Variants in VPS13D observed in about 807,000 individuals in gnomAD.
VPS13D encodes intermembrane lipid transfer protein VPS13D.
A neutral mutation model predicts 461.9 loss-of-function variants in VPS13D; 187 were observed. The observed-to-expected ratio is 0.40, with a 90% CI of 0.36 to 0.46. The LOEUF is 0.46. Among genes scored for constraint, VPS13D ranks in the 20% least tolerant of loss-of-function variants. VPS13D has a pLI of 0.60. For synonymous variants in VPS13D, 1,951 were observed against 1,986.3 expected (o/e 0.98, Z 0.47); for missense variants, 4,711 against 5,364.9 (o/e 0.88, Z 3.81).
At chr1:12,231,254 A>G (rs916262845) in intron 1 of VPS13D, among the ~76,000 whole-genome samples, 7 of 152,200 alleles carry the variant, frequency 4.6e-5, no homozygotes, top group Non-Finnish European at 1.0e-4. Context: ...ACCGGAGTGT[A>G]AACACTTTGG....
In VPS13D at chr1:12,400,374, C is replaced by A. The variant is rs202218580; in HGVS notation, c.11784+44C>A. 1.0e-5 allele frequency: 16 copies of A among 1,603,954 alleles called. No homozygotes were observed. The South Asian group carries it at 1.0e-4, about 10-fold the overall frequency. ...CTGGTGGGTTGATGCCATGCTGGAACGTTGATTTGTTCTCTCACAGCCAAG... is the reference window on the plus strand; with the variant it reads ...CTGGTGGGTTGATGCCATGCTGGAAAGTTGATTTGTTCTCTCACAGCCAAG... On this transcript the variant is annotated intron_variant, in intron 61 of 69. Transcript: ENST00000620676.
At chr1:12,405,227 G>C (rs577898929) in intron 63 of VPS13D, among the ~76,000 whole-genome samples, 1 of 152,240 alleles carries the variant, frequency 6.6e-6, no homozygotes, top group African/African-American at 2.4e-5. Context: ...TGTGAACCTG[G>C]TGTTGCCAGA....
intron 67 of VPS13D, among the ~76,000 whole-genome samples, chr1:12,460,860 C>T (rs1645403087): frequency 6.6e-6 from 1 of 152,082 alleles, no homozygotes; most frequent in Non-Finnish European, 1.5e-5. Flanking sequence ...TGTTGTTGTT[C>T]ACCATGTGGG....
rs1645391726 is a variant in VPS13D, at chr1:12,460,234, C to T, written c.12500C>T (p.Ser4167Leu). The change falls in exon 67 of 70, where the codon TCG (serine) becomes TTG (leucine). Residue 4167 changes from serine (S) to leucine (L), a missense_variant. Transcript: ENST00000620676. ...IIGGLTSVITSTVEGVKTEGG... is the reference protein window; with the variant it reads ...IIGGLTSVITLTVEGVKTEGG... ...GGTGGACTGACCAGTGTTATAACTTCGACAGTGGAAGGTGTGAAAACAGAA... is the reference window on the plus strand; with the variant it reads ...GGTGGACTGACCAGTGTTATAACTTTGACAGTGGAAGGTGTGAAAACAGAA... 1 of 1,609,322 alleles carries T rather than the reference C, an allele frequency of 6.2e-7. No homozygotes were observed.
rs376672687 is a variant in VPS13D, at chr1:12,403,962, T to C, written c.12019T>C (p.Leu4007=). The stretch of plus-strand genomic sequence containing the variant: ...TGTGTTCACCTCCAACAAGCTCCCA[T>C]TGGATCTTAAGGTGAGCTGCTATTT... The part of the protein sequence containing the change: ...LSVFTSNKLP[L]DLKALKSTLG... The change falls in exon 63 of 70, where the codon TTG becomes CTG. Residue 4007 remains leucine, a synonymous_variant. Transcript: ENST00000620676. 5 of 1,596,624 alleles carry C rather than the reference T, an allele frequency of 3.1e-6. No homozygotes were observed. The highest frequency in any genetic ancestry group is 1.2e-5 in the South Asian group (1 of 86,362).
At position 12,369,461 on chromosome 1, in the gene VPS13D, C is replaced by T; in HGVS notation, c.10573-6C>T. ...GTCCTCTTTGTCCTCTCTGCCATCA[C>T]TCTAGGTCCCGGTTGTCTTTACTCA... On this transcript the variant is annotated splice_region_variant and splice_polypyrimidine_tract_variant and intron_variant, in intron 53 of 69. Coordinates refer to ENST00000620676, the MANE Select transcript of VPS13D (RefSeq NM_015378.4). 6.2e-7 allele frequency: 1 copy of T among 1,614,014 alleles called. No homozygotes were observed. Among genetic ancestry groups the T allele is most frequent in the Non-Finnish European group, 8.5e-7 (1 of 1,179,914 alleles).
At chr1:12,453,442 G>A (rs181705314) in intron 65 of VPS13D, among the ~76,000 whole-genome samples, 57 of 152,162 alleles carry the variant, frequency 3.7e-4, no homozygotes, top group East Asian at 1.3e-3. Context: ...AATTGGCTGC[G>A]GTGCTCCTGG....
At chr1:12,352,965 CAAAAAAAAA>C (rs61588046) in intron 46 of VPS13D, among the ~76,000 whole-genome samples, 1,251 of 17,420 alleles carry the variant, frequency 0.072, 9 homozygotes, top group African/African-American at 0.11. Flanking sequence ...AACTCAGTCT[CAAAAAAAAA>C]AAAAAAAAAA....
Position 12,473,914 on chromosome 1 carries a change from G to T in VPS13D, c.12662+13518G>T, listed in dbSNP as rs1367824495. Among the ~76,000 whole-genome samples, 2 of 152,156 alleles carry T rather than the reference G, an allele frequency of 1.3e-5. No individual in the cohort carries two copies. Among genetic ancestry groups the T allele is most frequent in the Non-Finnish European group, 2.9e-5 (2 of 68,024 alleles). ...ACTCTCCTGGGCTCTGAGCCTTTGT[G>T]TGTGGGAACCGCACTGGAAAAGGTG... On this transcript the variant is annotated intron_variant, in intron 67 of 69. Coordinates refer to ENST00000620676, the MANE Select transcript of VPS13D (RefSeq NM_015378.4). This position sits in a 1 kb window ranked among gnomAD's most constrained non-coding sequence, Gnocchi z 4.2.
At chr1:12,233,222 G>A (rs1640039748) in intron 1 of VPS13D, among the ~76,000 whole-genome samples, 1 of 152,006 alleles carries the variant, frequency 6.6e-6, no homozygotes, top group Admixed American at 6.6e-5. Context: ...GCCAGGCTGG[G>A]TTTGGACTCC....
chr1:12,341,502 G>A (rs1421928940), intron 40 of VPS13D, among the ~76,000 whole-genome samples: 2 of 152,170 alleles, frequency 1.3e-5, no homozygotes, highest in African/African-American at 4.8e-5. Flanking sequence ...TTTCTTTCGT[G>A]ATTCCCACCA....
intron 31 of VPS13D, 113 bp from the exon 32 acceptor site, chr1:12,319,384 C>G: frequency 6.9e-7 from 1 of 1,451,244 alleles, no homozygotes; most frequent in East Asian, 2.3e-5. Flanking sequence ...GGAGAAAAAT[C>G]TTACTGGTTC....
chr1:12,233,099 G>A (rs926733791), intron 1 of VPS13D, among the ~76,000 whole-genome samples: 1 of 151,470 alleles, frequency 6.6e-6, no homozygotes, highest in African/African-American at 2.4e-5. Context: ...TCTGCCTCCC[G>A]GGTTCAAGGG....
At chr1:12,335,586 C>A in intron 38 of VPS13D, 119 bp from the exon 39 acceptor site, 2 of 1,305,452 alleles carry the variant, frequency 1.5e-6, no homozygotes, top group South Asian at 1.6e-5. Flanking sequence ...CGGAATCTAG[C>A]ACAGGCCAGG....
At chr1:12,308,702 T>A in intron 27 of VPS13D, 61 bp downstream of exon 27, 1 of 1,531,100 alleles carries the variant, frequency 6.5e-7, no homozygotes, top group Non-Finnish European at 8.9e-7. Context: ...CAGGGTGGAG[T>A]GCAGTGGCGC....
At chr1:12,397,662 C>G (rs905409855) in intron 60 of VPS13D, among the ~76,000 whole-genome samples, 3 of 152,082 alleles carry the variant, frequency 2.0e-5, no homozygotes, top group Non-Finnish European at 4.4e-5. Context: ...AGAAAGTCTG[C>G]CAATAAATAT....
Position 12,369,681 on chromosome 1 carries a change from C to G in VPS13D, c.10787C>G (p.Ala3596Gly). 6.2e-7 allele frequency: 1 copy of G among 1,614,040 alleles called. No individual in the cohort carries two copies. The highest frequency in any genetic ancestry group is 8.5e-7 in the Non-Finnish European group (1 of 1,179,918). The change falls in exon 54 of 70, where the codon GCT (alanine) becomes GGT (glycine). Residue 3596 changes from alanine to glycine, a missense_variant. This residue lies in a region of VPS13D where 4,411 missense variants were observed against 4,937.8 expected (regional missense o/e 0.89). Coordinates refer to ENST00000620676, the MANE Select transcript of VPS13D (RefSeq NM_015378.4). ...TATTATGAAAATTTCATTTACATTG[C>G]TGCTACATATACATTCTCTGGGTAA... ...QLYYENFIYI[A>G]ATYTFSGLQE...
At chr1:12,436,947 C>T (rs988622102) in intron 65 of VPS13D, among the ~76,000 whole-genome samples, 1 of 152,178 alleles carries the variant, frequency 6.6e-6, no homozygotes. Flanking sequence ...GGATTACACG[C>T]GTGAGCCACC....
Position 12,261,279 on chromosome 1 carries a change from GA to G in VPS13D, c.1414+132del, listed in dbSNP as rs1296848938. On this transcript the variant is annotated intron_variant, in intron 12 of 69. Transcript: ENST00000620676. ...CAGTTTATGTTCATAGAGGCTGAGA[GA>G]AGAAGTATTTTGGGAGATACTCCAT... The G allele has an allele frequency of 8.2e-6, 9 of 1,101,852 alleles. No homozygotes were observed. In the African/African-American group the frequency reaches 1.3e-4, roughly 15 times the overall value. 68.3% of individuals were successfully genotyped at this position (1,101,852 alleles called of 1,614,324 possible). A position where few individuals can be genotyped will look rare whatever the true frequency, so the allele number is the denominator to read the frequency against.
Sources: allele counts gnomAD v4.1 joint callset (sites outside exome capture counted in the v4.1 genomes callset), GRCh38; gene constraint gnomAD v4.1.1; regional missense constraint gnomAD v4.1.1; non-coding constraint Gnocchi (gnomAD v3.1); transcripts MANE v1.5; gene names NCBI Gene and HGNC (gene_info 2026-07-23, HGNC 2026-07-21).